The following GARIN5A variants were observed in gnomAD, a reference collection of about 807,000 sequenced individuals.
GARIN5A encodes Golgi-associated RAB2 interactor protein 5A.
chr19:50,470,657 G>GTT, the GARIN5A span, among the ~76,000 whole-genome samples: 2,260 of 133,928 alleles, frequency 0.017, 100 homozygotes, highest in African/African-American at 0.057. Flanking sequence ...GGCTACTGCT[G>GTT]TTTTTTTTTT....
chr19:50,471,906 A>G, the GARIN5A span, among the ~76,000 whole-genome samples: 1 of 142,760 alleles, frequency 7.0e-6, no homozygotes, highest in Non-Finnish European at 1.5e-5. Flanking sequence ...GCATACATGT[A>G]TGTGTGTATA....
chr19:50,475,789 G>C, the GARIN5A span: 1 of 1,410,966 alleles, frequency 7.1e-7, no homozygotes, highest in Non-Finnish European at 1.0e-6. Flanking sequence ...GGAGGTCGAG[G>C]GGCAGGCCGA....
the GARIN5A span, chr19:50,476,367 C>A: frequency 6.4e-7 from 1 of 1,570,422 alleles, no homozygotes. Flanking sequence ...TCCTGGAGAT[C>A]AGGCCAAAGG....
chr19:50,476,257 C>G, the GARIN5A span: 10 of 1,610,942 alleles, frequency 6.2e-6, no homozygotes, highest in Non-Finnish European at 2.5e-6. Flanking sequence ...AGCGAGGGGG[C>G]GGGACTACGC....
At chr19:50,476,549 C>CGGCAGCCAGCGCTGG in the GARIN5A span, 1 of 1,571,950 alleles carries the variant, frequency 6.4e-7, no homozygotes, top group Non-Finnish European at 8.6e-7. Flanking sequence ...GCCGAGATGG[C>CGGCAGCCAGCGCTGG]GGCAGCCAGC....
the GARIN5A span, among the ~76,000 whole-genome samples, chr19:50,472,159 T>TGTATACGTGTGTATATGC: frequency 1.4e-5 from 2 of 148,040 alleles, no homozygotes; most frequent in South Asian, 4.3e-4. Context: ...TGTGTATATG[T>TGTATACGTGTGTATATGC]ATGTATACGT....
At chr19:50,472,165 T>A in the GARIN5A span, among the ~76,000 whole-genome samples, 1 of 150,252 alleles carries the variant, frequency 6.7e-6, no homozygotes, top group African/African-American at 2.5e-5. Flanking sequence ...TATGTATGTA[T>A]ACGTGTGTAT....
At chr19:50,472,075 TATAC>T in the GARIN5A span, among the ~76,000 whole-genome samples, 2 of 150,294 alleles carry the variant, frequency 1.3e-5, no homozygotes, top group African/African-American at 2.5e-5. Flanking sequence ...TATGTGTATA[TATAC>T]ATGTGTGTAT....
chr19:50,472,068 G>GTATATATACATGTGTGTATA, the GARIN5A span, among the ~76,000 whole-genome samples: 1 of 97,352 alleles, frequency 1.0e-5, no homozygotes, highest in African/African-American at 7.7e-5. Flanking sequence ...GTGTGTATAT[G>GTATATATACATGTGTGTATA]TGTATATATA....
At chr19:50,475,838 C>G in the GARIN5A span, 1 of 1,612,190 alleles carries the variant, frequency 6.2e-7, no homozygotes, top group South Asian at 1.1e-5. Flanking sequence ...CCTACCTGTA[C>G]GAAGTTGCTC....
the GARIN5A span, chr19:50,476,711 C>A: frequency 8.4e-7 from 1 of 1,185,204 alleles, no homozygotes; most frequent in Non-Finnish European, 1.1e-6. Context: ...TGTCGCAGGT[C>A]TTGGGTCTTT....
chr19:50,476,396 A>T, the GARIN5A span: 1 of 1,550,114 alleles, frequency 6.5e-7, no homozygotes, highest in African/African-American at 1.4e-5. Flanking sequence ...CATCCTGCTG[A>T]CGTCAGGCCC....
the GARIN5A span, among the ~76,000 whole-genome samples, chr19:50,470,082 GAAGT>G: frequency 6.6e-6 from 1 of 152,202 alleles, no homozygotes; most frequent in Admixed American, 6.5e-5. Flanking sequence ...AGCCAGTGAT[GAAGT>G]AACGCCAGGA....
At chr19:50,474,680 T>A in the GARIN5A span, among the ~76,000 whole-genome samples, 1 of 151,270 alleles carries the variant, frequency 6.6e-6, no homozygotes, top group African/African-American at 2.4e-5. Flanking sequence ...AGAGACAGGG[T>A]TTTGCTATGT....
the GARIN5A span, among the ~76,000 whole-genome samples, chr19:50,468,314 A>G: frequency 6.7e-6 from 1 of 149,008 alleles, no homozygotes; most frequent in Non-Finnish European, 1.5e-5. Context: ...GTGAGCCGAG[A>G]TCACGCCACT....
At chr19:50,476,633 G>C in the GARIN5A span, 1 of 1,549,028 alleles carries the variant, frequency 6.5e-7, no homozygotes, top group Non-Finnish European at 8.7e-7. Flanking sequence ...GGCAGCGGCT[G>C]CCGGGCCGGG....
the GARIN5A span, among the ~76,000 whole-genome samples, chr19:50,472,147 CGT>C: frequency 2.8e-5 from 4 of 142,608 alleles, no homozygotes; most frequent in African/African-American, 1.1e-4. Flanking sequence ...TGTATGTATA[CGT>C]GTGTATATGT....
the GARIN5A span, among the ~76,000 whole-genome samples, chr19:50,471,754 A>ACG: frequency 5.0e-5 from 4 of 79,730 alleles, no homozygotes; most frequent in African/African-American, 1.5e-4. Context: ...GCATACATGC[A>ACG]TGTGTATACG....
the GARIN5A span, among the ~76,000 whole-genome samples, chr19:50,472,176 A>C: frequency 1.8e-4 from 26 of 143,016 alleles, no homozygotes; most frequent in African/African-American, 7.2e-4. Flanking sequence ...ACGTGTGTAT[A>C]TGTATGTATA....
Sources: allele counts gnomAD v4.1 joint callset (sites outside exome capture counted in the v4.1 genomes callset), GRCh38; gene constraint gnomAD v4.1.1; transcripts MANE v1.5; gene names NCBI Gene and HGNC (gene_info 2026-07-23, HGNC 2026-07-21).